Variants in RNF216 observed in about 807,000 individuals in gnomAD.
RNF216 encodes the protein ring finger protein 216.
In RNF216, 72 loss-of-function variants were observed where a neutral mutation model predicts 110.8. The ratio of observed to expected loss-of-function variants is 0.65; its 90% CI spans 0.54 to 0.79. RNF216 has a LOEUF of 0.79. Among genes scored for constraint, RNF216 ranks in the 30% least tolerant of loss-of-function variants. The pLI, the probability that RNF216 is intolerant of heterozygous loss-of-function variation, is 0.00. For missense variants in RNF216, 1,342 were observed against 1,141.2 expected (o/e 1.18, Z -2.54); for synonymous variants, 495 against 407.5 (o/e 1.21, Z -2.59).
At chr7:5,736,851 C>T (rs1443363744) in intron 5 of RNF216, among the ~76,000 whole-genome samples, 1 of 151,918 alleles carries the variant, frequency 6.6e-6, no homozygotes, top group Non-Finnish European at 1.5e-5. Context: ...CCGCAGCCAC[C>T]CCATCTGAGA....
intron 13 of RNF216, among the ~76,000 whole-genome samples, chr7:5,656,327 A>G (rs1211701182): frequency 1.3e-5 from 2 of 152,192 alleles, no homozygotes; most frequent in Non-Finnish European, 2.9e-5. Context: ...AGACTCTTGC[A>G]TGTTTAACAT....
chr7:5,645,575 TTC>T (rs1788000849), intron 14 of RNF216, among the ~76,000 whole-genome samples: 1 of 152,146 alleles, frequency 6.6e-6, no homozygotes, highest in African/African-American at 2.4e-5. Context: ...GGTACAGAAT[TTC>T]TGTTGGTTTC....
At chr7:5,688,195 A>T (rs1013869317) in intron 13 of RNF216, among the ~76,000 whole-genome samples, 6 of 152,250 alleles carry the variant, frequency 3.9e-5, no homozygotes, top group African/African-American at 1.4e-4. Flanking sequence ...TTCAAAAATG[A>T]TTAGTCTTCT....
intron 1 of RNF216, among the ~76,000 whole-genome samples, chr7:5,777,222 G>A (rs1796835003): frequency 6.6e-6 from 1 of 152,160 alleles, no homozygotes; most frequent in South Asian, 2.1e-4. Context: ...ACAACATGTC[G>A]ACCAGAGAAA....
intron 15 of RNF216, among the ~76,000 whole-genome samples, chr7:5,625,634 A>G (rs930721275): frequency 6.6e-6 from 1 of 152,252 alleles, no homozygotes; most frequent in Non-Finnish European, 1.5e-5. Context: ...AACCGCAAGG[A>G]TTCTGGAGTT....
intron 15 of RNF216, among the ~76,000 whole-genome samples, chr7:5,632,778 C>CA (rs960605594): frequency 2.0e-4 from 31 of 152,010 alleles, no homozygotes; most frequent in African/African-American, 7.0e-4. Flanking sequence ...ACTCCATCTC[C>CA]AAAAAACAAA....
In RNF216 at chr7:5,735,583, T is replaced by A. The variant is rs1194135059; in HGVS notation, c.1121+3693A>T. ...GATTACACTCTACTGAAGAGAAATT[T>A]GTGGGCTAAAAGAACACCCCTGAAG... On this transcript the variant is annotated intron_variant, in intron 5 of 16. Transcript: ENST00000389902. 2.0e-5 allele frequency among the ~76,000 whole-genome samples: 3 copies of A among 152,220 alleles called. No individual in the cohort carries two copies. In the East Asian group the frequency reaches 5.8e-4, roughly 29 times the overall value.
intron 13 of RNF216, among the ~76,000 whole-genome samples, chr7:5,702,083 G>A (rs983598185): frequency 2.0e-5 from 3 of 152,142 alleles, no homozygotes; most frequent in African/African-American, 4.8e-5. Context: ...CCGGGTTCTC[G>A]GAGCCCACGC....
At chr7:5,721,997 A>T (rs1584511613) in intron 8 of RNF216, among the ~76,000 whole-genome samples, 1 of 152,186 alleles carries the variant, frequency 6.6e-6, no homozygotes, top group South Asian at 2.1e-4. Context: ...TTCACAGATC[A>T]CTGCAGCCTC....
chr7:5,689,892 G>A (rs1324342021), intron 13 of RNF216, among the ~76,000 whole-genome samples: 1 of 149,342 alleles, frequency 6.7e-6, no homozygotes, highest in Non-Finnish European at 1.5e-5. Context: ...AGTGAGCCAA[G>A]ATTGCGCCAC....
At chr7:5,647,082 G>A (rs1030364071) in intron 14 of RNF216, among the ~76,000 whole-genome samples, 3 of 151,990 alleles carry the variant, frequency 2.0e-5, no homozygotes, top group East Asian at 1.9e-4. Flanking sequence ...ACAATCCACT[G>A]GGAGGCTGTT....
intron 2 of RNF216, among the ~76,000 whole-genome samples, chr7:5,754,578 C>A (rs1795516925): frequency 6.6e-6 from 1 of 152,100 alleles, no homozygotes; most frequent in African/African-American, 2.4e-5. Flanking sequence ...AAAGCTCTAG[C>A]CATTGGTACA....
intron 5 of RNF216, among the ~76,000 whole-genome samples, chr7:5,736,873 C>A (rs1584540038): frequency 6.6e-6 from 1 of 151,508 alleles, no homozygotes; most frequent in East Asian, 1.9e-4. Context: ...GTGAGGAGCC[C>A]CTCCGCCCGG....
intron 3 of RNF216, among the ~76,000 whole-genome samples, chr7:5,744,440 A>C (rs1182576273): frequency 1.3e-5 from 2 of 152,096 alleles, no homozygotes; most frequent in African/African-American, 2.4e-5. Flanking sequence ...TCTTTGGTAG[A>C]GGAGGAGGAA....
At chr7:5,747,244 G>A (rs994564562) in intron 3 of RNF216, among the ~76,000 whole-genome samples, 2 of 152,162 alleles carry the variant, frequency 1.3e-5, no homozygotes, top group South Asian at 2.1e-4. Context: ...TCCTAAACCT[G>A]GGGAAGACTT....
Position 5,715,094 on chromosome 7 carries a change from G to A in RNF216, c.1792C>T (p.Leu598Phe). ...ADAHLFCKECLIRYAQEAVFG... is the reference protein window; with the variant it reads ...ADAHLFCKECFIRYAQEAVFG... Reference sequence around the variant, plus strand: ...ACTGCCTCTTGGGCATATCTGATGAGACACTCTTTGCAGAACAAGTGAGCA... The same window carrying A: ...ACTGCCTCTTGGGCATATCTGATGAAACACTCTTTGCAGAACAAGTGAGCA... The change falls in exon 11 of 17, where the codon CTC becomes TTC. Residue 598 changes from leucine (L) to phenylalanine (F), a missense_variant. Leu to Phe is a conservative substitution (Grantham distance 22, BLOSUM62 0). Transcript: ENST00000389902. 6.2e-7 allele frequency: 1 copy of A among 1,613,894 alleles called. No individual in the cohort carries two copies. The highest frequency in any genetic ancestry group is 8.5e-7 in the Non-Finnish European group (1 of 1,179,988).
chr7:5,683,751 A>G (rs987250682), intron 13 of RNF216, among the ~76,000 whole-genome samples: 4 of 152,246 alleles, frequency 2.6e-5, no homozygotes, highest in Non-Finnish European at 4.4e-5. Context: ...TGCTCAGCAC[A>G]GCAGTAGATA....
chr7:5,657,364 T>C (rs1336177053), intron 13 of RNF216, among the ~76,000 whole-genome samples: 1 of 152,100 alleles, frequency 6.6e-6, no homozygotes, highest in Non-Finnish European at 1.5e-5. Flanking sequence ...GGTTGGGAGT[T>C]CGAGACCAGC....
chr7:5,727,797 C>A (rs1214593319), intron 7 of RNF216, among the ~76,000 whole-genome samples: 2 of 151,922 alleles, frequency 1.3e-5, no homozygotes, highest in Non-Finnish European at 2.9e-5. Context: ...TTCCTCCTTC[C>A]TGTCTGCCTG....
Sources: gnomAD v4.1 joint callset for allele counts (sites outside exome capture counted in the v4.1 genomes callset) on GRCh38, gnomAD v4.1.1 for gene constraint, MANE v1.5 for transcripts, NCBI Gene and HGNC (gene_info 2026-07-23, HGNC 2026-07-21) for gene names.